The following PDE4D variants were observed in gnomAD, a reference collection of about 807,000 sequenced individuals.
PDE4D encodes phosphodiesterase 4D.
Under a neutral mutation model 87.4 loss-of-function variants are expected in PDE4D, and 24 were observed. That is an observed-to-expected ratio of 0.27 (90% CI 0.20 to 0.39). PDE4D has a LOEUF of 0.39. Among genes scored for constraint, PDE4D ranks in the 10% least tolerant of loss-of-function variants. The pLI is 1.00. For synonymous variants in PDE4D, 384 were observed against 383.2 expected, an observed-to-expected ratio of 1.00 and a Z score of -0.02; for missense variants, 714 against 1,041.0, an observed-to-expected ratio of 0.69 and a Z score of 4.32.
intron 1 of PDE4D, among the ~76,000 whole-genome samples, chr5:59,571,408 G>T (rs970869625): frequency 6.6e-6 from 1 of 152,210 alleles, no homozygotes; most frequent in African/African-American, 2.4e-5. Flanking sequence ...TACAGAAGGG[G>T]TGGAGAAAGC....
At chr5:59,367,000 C>T (rs1783168952) in intron 1 of PDE4D, among the ~76,000 whole-genome samples, 1 of 152,190 alleles carries the variant, frequency 6.6e-6, no homozygotes, top group African/African-American at 2.4e-5. Context: ...CTTACAAAGG[C>T]ATCCTATCAG....
intron 1 of PDE4D, among the ~76,000 whole-genome samples, chr5:60,336,586 C>A (rs1757770190): frequency 6.6e-6 from 1 of 152,178 alleles, no homozygotes; most frequent in African/African-American, 2.4e-5. Context: ...CTTCAGTCTT[C>A]AAAGCAGGCT....
In PDE4D at chr5:59,471,307, T is replaced by G. The variant is rs1004863744; in HGVS notation, c.456-255339A>C. On this transcript the variant is annotated intron_variant, in intron 1 of 14. Transcript: ENST00000340635. Reference sequence around the variant, plus strand: ...GACTTTAATTGCAGGTGAGCCTGTATTGCCATTTTAAAAGATTTTTCCAAG... The same window carrying G: ...GACTTTAATTGCAGGTGAGCCTGTAGTGCCATTTTAAAAGATTTTTCCAAG... Among the ~76,000 whole-genome samples, 9 of 152,278 alleles carry G rather than the reference T, an allele frequency of 5.9e-5. No individual in the cohort carries two copies. In the East Asian group the frequency reaches 1.7e-3, roughly 29 times the overall value.
intron 2 of PDE4D, among the ~76,000 whole-genome samples, chr5:60,111,220 G>T (rs1191007046): frequency 6.6e-6 from 1 of 151,858 alleles, no homozygotes; most frequent in Non-Finnish European, 1.5e-5. Context: ...TAATTACCCT[G>T]ATTTGATCAT....
At chr5:59,828,209 A>C (rs1770550684) in intron 1 of PDE4D, among the ~76,000 whole-genome samples, 1 of 152,028 alleles carries the variant, frequency 6.6e-6, no homozygotes. Context: ...AGAGAGAAAA[A>C]ATGATCTAGA....
intron 1 of PDE4D, among the ~76,000 whole-genome samples, chr5:59,749,420 C>A (rs139206433): frequency 6.6e-6 from 1 of 152,188 alleles, no homozygotes; most frequent in African/African-American, 2.4e-5. Flanking sequence ...CCTGCCACCA[C>A]GCCTGGCTGA....
At chr5:59,183,704 G>A (rs1475761229) in intron 4 of PDE4D, among the ~76,000 whole-genome samples, 5 of 152,204 alleles carry the variant, frequency 3.3e-5, no homozygotes, top group Non-Finnish European at 5.9e-5. Context: ...GCTGAGGTCA[G>A]TATGACATTG....
chr5:59,370,588 C>T (rs1300956967), intron 1 of PDE4D, among the ~76,000 whole-genome samples: 1 of 152,122 alleles, frequency 6.6e-6, no homozygotes, highest in Non-Finnish European at 1.5e-5. Context: ...CTTTACTCTG[C>T]ACTAATTTTT....
chr5:59,091,003 T>C (rs2153428460), intron 5 of PDE4D: 1 of 404,236 alleles, frequency 2.5e-6, no homozygotes, highest in Admixed American at 2.9e-5. Context: ...GTTTAGAAAG[T>C]ACTTTTCATG....
At chr5:59,228,439 C>CA (rs58563221) in intron 1 of PDE4D, among the ~76,000 whole-genome samples, 274 of 148,638 alleles carry the variant, frequency 1.8e-3, no homozygotes, top group East Asian at 0.014. Flanking sequence ...ACAACAACAA[C>CA]AAAAAAAAAA....
intron 1 of PDE4D, among the ~76,000 whole-genome samples, chr5:59,319,795 T>C (rs961734203): frequency 1.3e-5 from 2 of 152,158 alleles, no homozygotes; most frequent in Admixed American, 6.6e-5. Context: ...TGTTCTGAAA[T>C]TGTTTCTACA....
chr5:59,170,897 T>C, intron 5 of PDE4D, among the ~76,000 whole-genome samples: 1 of 151,980 alleles, frequency 6.6e-6, no homozygotes, highest in South Asian at 2.1e-4. Flanking sequence ...TTTTTTTTTT[T>C]TGAGATGAAG....
intron 2 of PDE4D, among the ~76,000 whole-genome samples, chr5:60,148,622 C>T (rs1043852528): frequency 6.6e-6 from 1 of 152,090 alleles, no homozygotes; most frequent in Non-Finnish European, 1.5e-5. Context: ...TCCAAGGAGT[C>T]CCTAAAGATT....
intron 3 of PDE4D, among the ~76,000 whole-genome samples, chr5:59,900,287 C>T (rs584907): frequency 0.09 from 13,109 of 145,158 alleles, 1,308 homozygotes; most frequent in African/African-American, 0.24. Context: ...CACACACACA[C>T]ATATATATAT....
chr5:60,292,176 T>A (rs1239271987), intron 1 of PDE4D, among the ~76,000 whole-genome samples: 2 of 152,152 alleles, frequency 1.3e-5, no homozygotes, highest in East Asian at 3.8e-4. Context: ...AAACACATTA[T>A]TTAAAGAATA....
Position 60,248,816 on chromosome 5 carries a change from C to T in PDE4D, c.-89-63129G>A, listed in dbSNP as rs115594748. On this transcript the variant is annotated intron_variant, in intron 1 of 16. Coordinates refer to the PDE4D transcript ENST00000502484. The stretch of plus-strand genomic sequence containing the variant: ...AACAGGAAACTTCTAAATCTCTTTA[C>T]ATTCAGTGCTCCAAAAATATACATT... Among the ~76,000 whole-genome samples, 1,261 of 152,144 alleles carry T rather than the reference C, an allele frequency of 8.3e-3. 20 individuals are homozygous for T. The highest frequency in any genetic ancestry group is 0.029 in the African/African-American group (1,222 of 41,546).
chr5:59,103,544 A>G (rs1771108692), intron 5 of PDE4D, among the ~76,000 whole-genome samples: 1 of 151,910 alleles, frequency 6.6e-6, no homozygotes, highest in African/African-American at 2.4e-5. Flanking sequence ...CTTGAGCACT[A>G]GCCTGGAGCT....
chr5:60,375,024 TC>T (rs1447163516), intron 1 of PDE4D, among the ~76,000 whole-genome samples: 1 of 152,234 alleles, frequency 6.6e-6, no homozygotes, highest in African/African-American at 2.4e-5. Flanking sequence ...GTAATCTGGT[TC>T]TAGCTCTGAA....
chr5:60,406,206 C>G (rs905897479), intron 1 of PDE4D, among the ~76,000 whole-genome samples: 1 of 152,186 alleles, frequency 6.6e-6, no homozygotes, highest in African/African-American at 2.4e-5. Flanking sequence ...ATTCCTGATG[C>G]CTGTCAGCAG....
Sources: gnomAD v4.1 joint callset for allele counts (sites outside exome capture counted in the v4.1 genomes callset) on GRCh38, gnomAD v4.1.1 for gene constraint, MANE v1.5 for transcripts, NCBI Gene and HGNC (gene_info 2026-07-23, HGNC 2026-07-21) for gene names.